GATA5: variants seen among roughly 807,000 people sequenced by gnomAD.
GATA5 encodes transcription factor GATA-5.
A neutral mutation model predicts 35.0 loss-of-function variants in GATA5; 27 were observed. The ratio of observed to expected loss-of-function variants is 0.77; its 90% CI spans 0.57 to 1.06. GATA5 has a LOEUF of 1.06. Among genes scored for constraint, GATA5 ranks in the 50% least tolerant of loss-of-function variants. GATA5 has a pLI of 0.00. For missense variants in GATA5, 612 were observed against 580.0 expected (o/e 1.06, Z -0.57); for synonymous variants, 306 against 267.8 (o/e 1.14, Z -1.39).
At chr20:62,469,950 C>T (rs73303287) in intron 3 of GATA5, among the ~76,000 whole-genome samples, 20,531 of 152,202 alleles carry the variant, frequency 0.13, 1,576 homozygotes, top group South Asian at 0.24. Flanking sequence ...GCCACCATAC[C>T]GCGACGATGC....
rs1038653652 is a variant in GATA5, at chr20:62,466,332, G to C, written c.825+94C>G. 2.8e-5 allele frequency: 38 copies of C among 1,377,298 alleles called. 2 individuals are homozygous for C. In the South Asian group the frequency reaches 5.1e-4, roughly 19 times the overall value. 85.3% of individuals were successfully genotyped at this position (1,377,298 alleles called of 1,614,324 possible). A position where few individuals can be genotyped will look rare whatever the true frequency, so the allele number is the denominator to read the frequency against. ...CCAGGGGACAATAGCCATCCTGCCC[G>C]CTCCTCCCCAGCCTCTTGGTCTGAG... On this transcript the variant is annotated intron_variant, in intron 4 of 6. Coordinates refer to ENST00000252997, the MANE Select transcript of GATA5 (RefSeq NM_080473.5).
At chr20:62,467,668 C>T (rs1156947875) in intron 3 of GATA5, among the ~76,000 whole-genome samples, 3 of 152,324 alleles carry the variant, frequency 2.0e-5, no homozygotes, top group East Asian at 1.9e-4. Context: ...CCTGCCCTCC[C>T]GGCGGCAGCC....
intron 2 of GATA5, 114 bp downstream of exon 2, chr20:62,474,885 T>C: frequency 1.1e-6 from 1 of 948,494 alleles, no homozygotes; most frequent in Non-Finnish European, 1.4e-6. Context: ...GTGTCGCTCC[T>C]GGCAGGGAGG....
intron 2 of GATA5, among the ~76,000 whole-genome samples, chr20:62,474,133 G>A (rs1321714923): frequency 6.6e-6 from 1 of 152,260 alleles, no homozygotes; most frequent in Non-Finnish European, 1.5e-5. Context: ...GGCTGTGGTC[G>A]CAACCAGTGT....
At chr20:62,466,611 G>T (rs917587298) in intron 3 of GATA5, 60 bp from the exon 4 acceptor site, 1 of 1,516,112 alleles carries the variant, frequency 6.6e-7, no homozygotes, top group Non-Finnish European at 8.8e-7. Context: ...GGAGCAGGGG[G>T]ACGGAAGCGA....
intron 3 of GATA5, among the ~76,000 whole-genome samples, chr20:62,468,027 A>T (rs946596521): frequency 7.3e-6 from 1 of 137,368 alleles, no homozygotes; most frequent in Non-Finnish European, 1.5e-5. Context: ...CGGTTTCCCC[A>T]TCTGTTACAG....
chr20:62,475,222 C>G lies in GATA5; in HGVS notation c.300G>C (p.Ser100=). 2.4e-6 allele frequency: 3 copies of G among 1,250,128 alleles called. No individual in the cohort carries two copies. The highest frequency in any genetic ancestry group is 3.0e-6 in the Non-Finnish European group (3 of 996,336). The allele number at this position is 1,250,128 out of a possible 1,614,324, so 77.4% of individuals were successfully genotyped here. The part of the protein sequence containing the change: ...ATAFPFAHSP[S]GPGSGGSAGG... Reference sequence around the variant, plus strand: ...CCGCGCTGCCGCCGCTGCCGGGCCCCGAGGGGCTGTGCGCGAAAGGGAAGG... The same window carrying G: ...CCGCGCTGCCGCCGCTGCCGGGCCCGGAGGGGCTGTGCGCGAAAGGGAAGG... Residue 100 remains serine (S), a synonymous_variant, in exon 2 of 7, where the codon TCG becomes TCC. Transcript: ENST00000252997.
rs538144180 is a variant in GATA5, at chr20:62,469,651, G to A, written c.700-3100C>T. ...CACCCCGCACCCCTGCGAGTGCCAG[G>A]GAAACACCTGGAACCCACCTTGAAT... On this transcript the variant is annotated intron_variant, in intron 3 of 6. Transcript: ENST00000252997. 2.6e-5 allele frequency among the ~76,000 whole-genome samples: 4 copies of A among 152,326 alleles called. No homozygotes were observed. In the East Asian group the frequency reaches 7.7e-4, roughly 29 times the overall value.
rs868940393 is a variant in GATA5, at chr20:62,471,917, T to A, written c.699+1486A>T. ...CTAATTTCTTTTTTTTTTTTTTTTT[T>A]AAATTTTTAGTGGAGATGGGTTCTT... On this transcript the variant is annotated intron_variant, in intron 3 of 6. Coordinates refer to ENST00000252997, the MANE Select transcript of GATA5 (RefSeq NM_080473.5). Among the ~76,000 whole-genome samples, 89 of 140,466 alleles carry A rather than the reference T, an allele frequency of 6.3e-4. 1 individual carries two copies. Among genetic ancestry groups the A allele is most frequent in the South Asian group, 2.4e-3 (11 of 4,644 alleles). The allele number at this position is 140,466 out of a possible 152,430, so 92.2% of individuals were successfully genotyped here.
chr20:62,469,258 A>G (rs1349851978), intron 3 of GATA5, among the ~76,000 whole-genome samples: 2 of 152,224 alleles, frequency 1.3e-5, no homozygotes, highest in Non-Finnish European at 2.9e-5. Flanking sequence ...CTCCTGCAGT[A>G]TTTGGGACAT....
chr20:62,474,562 C>T (rs2146489652), intron 2 of GATA5, among the ~76,000 whole-genome samples: 1 of 152,342 alleles, frequency 6.6e-6, no homozygotes, highest in Admixed American at 6.5e-5. Flanking sequence ...GCCGAGAATC[C>T]GATTCTCCAA....
chr20:62,466,613 C>T lies in GATA5; in HGVS notation c.700-62G>A, dbSNP rs147273975. On this transcript the variant is annotated intron_variant, in intron 3 of 6. Coordinates refer to ENST00000252997, the MANE Select transcript of GATA5 (RefSeq NM_080473.5). ...CGGGTGCGCGGCTGGAGCAGGGGGA[C>T]GGAAGCGAGACTCAGGTCGGCCTTG... 1.6e-4 allele frequency: 238 copies of T among 1,514,478 alleles called. No individual in the cohort carries two copies. In the East Asian group the frequency reaches 3.8e-3, roughly 24 times the overall value. 93.8% of individuals were successfully genotyped at this position (1,514,478 alleles called of 1,614,324 possible).
chr20:62,465,854 G>T lies in GATA5; in HGVS notation c.893C>A (p.Ala298Asp). The T allele has an allele frequency of 6.3e-7, 1 of 1,593,390 alleles. No homozygotes were observed. Among genetic ancestry groups the T allele is most frequent in the Admixed American group, 1.7e-5 (1 of 57,314 alleles). ...CGCACCTGAGGAGCCCCTGGCCTTG[G>T]CGATGGTCTTTGGCTTCCGCTTCCG... ...QTRKRKPKTI[A>D]KARGSSGSTR... The change falls in exon 5 of 7, where the codon GCC becomes GAC. Residue 298 changes from alanine (A) to aspartate (D), a missense_variant. Ala to Asp is a moderately radical substitution (Grantham distance 126). Transcript: ENST00000252997.
chr20:62,466,883 C>T (rs959482679), intron 3 of GATA5, among the ~76,000 whole-genome samples: 13 of 152,218 alleles, frequency 8.5e-5, no homozygotes, highest in African/African-American at 2.4e-4. Flanking sequence ...ACCAACCCTG[C>T]GCCTGGACCC....
At position 62,464,824 on chromosome 20, in the gene GATA5, T is replaced by C. The variant is rs1555895843; in HGVS notation, c.*12A>G. On this transcript the variant is annotated 3_prime_UTR_variant, in exon 7 of 7. Transcript: ENST00000252997. ...TCCAGGCTGTTCCCCTGACATGGGC[T>C]GGCCTGGGGACCTAGGCCAAGGCCA... 4 of 1,575,550 alleles carry C rather than the reference T, an allele frequency of 2.5e-6. No homozygotes were observed. Among genetic ancestry groups the C allele is most frequent in the East Asian group, 2.3e-5 (1 of 43,718 alleles).
At chr20:62,474,034 G>A (rs1208247835) in intron 2 of GATA5, among the ~76,000 whole-genome samples, 1 of 150,514 alleles carries the variant, frequency 6.6e-6, no homozygotes, top group Non-Finnish European at 1.5e-5. Flanking sequence ...TCCTGGGAAC[G>A]CTAACCCCGC....
At chr20:62,471,302 G>A (rs1236463443) in intron 3 of GATA5, among the ~76,000 whole-genome samples, 1 of 152,142 alleles carries the variant, frequency 6.6e-6, no homozygotes, top group African/African-American at 2.4e-5. Flanking sequence ...GCATGGGTGA[G>A]GGTGAAGGGA....
chr20:62,464,797 G>A lies in GATA5; in HGVS notation c.*39C>T. Reference sequence around the variant, plus strand: ...ACGGAGGTGACTCAGTGGGTGGTCTGTTCCAGGCTGTTCCCCTGACATGGG... The same window carrying A: ...ACGGAGGTGACTCAGTGGGTGGTCTATTCCAGGCTGTTCCCCTGACATGGG... On this transcript the variant is annotated 3_prime_UTR_variant, in exon 7 of 7. Coordinates refer to ENST00000252997, the MANE Select transcript of GATA5 (RefSeq NM_080473.5). 1 of 1,540,030 alleles carries A rather than the reference G, an allele frequency of 6.5e-7. No individual in the cohort carries two copies. The highest frequency in any genetic ancestry group is 2.0e-5 in the Admixed American group (1 of 49,706).
intron 3 of GATA5, among the ~76,000 whole-genome samples, chr20:62,468,363 GCTGACCATCTC>G (rs782605850): frequency 3.5e-4 from 53 of 152,266 alleles, no homozygotes; most frequent in Non-Finnish European, 6.6e-4. Flanking sequence ...GGCCGGCCTT[GCTGACCATCTC>G]CTGCCTACCC....
Sources: gnomAD v4.1 joint callset for allele counts (sites outside exome capture counted in the v4.1 genomes callset) on GRCh38, gnomAD v4.1.1 for gene constraint, MANE v1.5 for transcripts, NCBI Gene and HGNC (gene_info 2026-07-23, HGNC 2026-07-21) for gene names.